The following SMAD9 variants were observed in gnomAD, a reference collection of about 807,000 sequenced individuals.
SMAD9 encodes the protein MAD homolog 9.
SMAD9 carries 36 observed loss-of-function variants against 46.1 expected under a neutral mutation model. The observed-to-expected ratio is 0.78, with a 90% CI of 0.60 to 1.03. The LOEUF is 1.03. SMAD9 is among the 50% of genes least tolerant of loss of function. SMAD9 has a pLI of 0.00. For synonymous variants in SMAD9, 245 were observed against 237.1 expected, an observed-to-expected ratio of 1.03 and a Z score of -0.31; for missense variants, 572 against 599.8, an observed-to-expected ratio of 0.95 and a Z score of 0.48.
At chr13:36,879,019 G>A (rs924466462) in intron 2 of SMAD9, among the ~76,000 whole-genome samples, 23 of 152,124 alleles carry the variant, frequency 1.5e-4, no homozygotes, top group Admixed American at 1.4e-3. Context: ...GTTTTACTGC[G>A]ATTCTCTTTG....
intron 1 of SMAD9, among the ~76,000 whole-genome samples, chr13:36,908,401 A>C (rs930908252): frequency 6.6e-6 from 1 of 152,234 alleles, no homozygotes; most frequent in African/African-American, 2.4e-5. Flanking sequence ...AGACAGAAAT[A>C]CAAATTTCTG....
chr13:36,919,884 G>A (rs2058729355), intron 1 of SMAD9, among the ~76,000 whole-genome samples: 2 of 125,940 alleles, frequency 1.6e-5, no homozygotes, highest in African/African-American at 5.9e-5. Context: ...AACAACGACC[G>A]CCAAAAGCCA....
At chr13:36,897,493 ACTCT>A (rs1052862494) in intron 1 of SMAD9, among the ~76,000 whole-genome samples, 3 of 152,002 alleles carry the variant, frequency 2.0e-5, no homozygotes, top group African/African-American at 7.2e-5. Context: ...TATACAAGAG[ACTCT>A]CCCACAGTAC....
chr13:36,901,337 G>C (rs2058574016), intron 1 of SMAD9, among the ~76,000 whole-genome samples: 1 of 151,548 alleles, frequency 6.6e-6, no homozygotes, highest in Non-Finnish European at 1.5e-5. Flanking sequence ...ACTGACACTT[G>C]TTATTTTTCA....
At chr13:36,899,002 AAAGT>A (rs2058552507) in intron 1 of SMAD9, among the ~76,000 whole-genome samples, 1 of 152,332 alleles carries the variant, frequency 6.6e-6, no homozygotes, top group East Asian at 1.9e-4. Context: ...CAGAAAGAAC[AAAGT>A]AAGGAAATCC....
At chr13:36,905,874 A>T (rs2058616778) in intron 1 of SMAD9, among the ~76,000 whole-genome samples, 1 of 149,416 alleles carries the variant, frequency 6.7e-6, no homozygotes, top group Admixed American at 6.7e-5. Flanking sequence ...AAATAAAGAT[A>T]GGGTCTCGCT....
intron 3 of SMAD9, 75 bp downstream of exon 3, chr13:36,872,583 T>C: frequency 1.3e-6 from 2 of 1,514,462 alleles, no homozygotes; most frequent in South Asian, 1.1e-5. Flanking sequence ...TGACTGTCAT[T>C]GTGACTGTTC....
intron 1 of SMAD9, among the ~76,000 whole-genome samples, chr13:36,899,136 C>G (rs552195571): frequency 2.4e-4 from 36 of 151,712 alleles, no homozygotes; most frequent in African/African-American, 8.0e-4. Context: ...CAGCAGAAAA[C>G]AAATGGAAAA....
chr13:36,883,445 C>T (rs1168406014), intron 1 of SMAD9, among the ~76,000 whole-genome samples: 1 of 152,144 alleles, frequency 6.6e-6, no homozygotes, highest in African/African-American at 2.4e-5. Flanking sequence ...ATTTAAATCA[C>T]AGTTAAAAAT....
At chr13:36,905,084 G>A (rs2058607434) in intron 1 of SMAD9, among the ~76,000 whole-genome samples, 1 of 152,180 alleles carries the variant, frequency 6.6e-6, no homozygotes, top group Non-Finnish European at 1.5e-5. Flanking sequence ...AATGCCTACA[G>A]AAATTTTTGG....
At chr13:36,877,957 C>CCAG (rs2058361723) in intron 2 of SMAD9, among the ~76,000 whole-genome samples, 1 of 152,116 alleles carries the variant, frequency 6.6e-6, no homozygotes, top group Admixed American at 6.5e-5. Flanking sequence ...AGCTAATGTG[C>CCAG]CAGCGCTTTG....
At chr13:36,854,460 C>T (rs1026060292) in intron 5 of SMAD9, among the ~76,000 whole-genome samples, 2 of 152,022 alleles carry the variant, frequency 1.3e-5, no homozygotes, top group East Asian at 1.9e-4. Flanking sequence ...CTCTGCCTCC[C>T]GGGCTCAGGT....
At chr13:36,850,227 T>C (rs1483760499) in intron 6 of SMAD9, among the ~76,000 whole-genome samples, 1 of 152,194 alleles carries the variant, frequency 6.6e-6, no homozygotes, top group East Asian at 1.9e-4. Context: ...ATGCACTGTC[T>C]TTTCTCGGCT....
intron 3 of SMAD9, among the ~76,000 whole-genome samples, chr13:36,870,052 G>A (rs1373495810): frequency 6.6e-6 from 1 of 152,122 alleles, no homozygotes; most frequent in African/African-American, 2.4e-5. Context: ...TACTCAGGTT[G>A]GCATTTTGCT....
At chr13:36,916,523 C>T (rs1173504539) in intron 1 of SMAD9, among the ~76,000 whole-genome samples, 1 of 151,422 alleles carries the variant, frequency 6.6e-6, no homozygotes. Flanking sequence ...AATGCTTTTA[C>T]AGACTTTATT....
At chr13:36,872,554 A>C in intron 3 of SMAD9, 104 bp downstream of exon 3, 1 of 1,313,720 alleles carries the variant, frequency 7.6e-7, no homozygotes, top group Non-Finnish European at 1.1e-6. Flanking sequence ...TGTTTATACT[A>C]TATGAATGAC....
intron 2 of SMAD9, among the ~76,000 whole-genome samples, chr13:36,877,704 G>A (rs2058358686): frequency 2.0e-5 from 3 of 152,056 alleles, no homozygotes; most frequent in Admixed American, 6.5e-5. Flanking sequence ...TAGGGGAAAC[G>A]CATCAGATTT....
intron 1 of SMAD9, among the ~76,000 whole-genome samples, chr13:36,909,537 G>C (rs2058643796): frequency 6.6e-6 from 1 of 152,146 alleles, no homozygotes. Context: ...TGGAAACACT[G>C]TATGCCACCC....
At chr13:36,854,392 G>A (rs2058103069) in intron 5 of SMAD9, among the ~76,000 whole-genome samples, 1 of 151,358 alleles carries the variant, frequency 6.6e-6, no homozygotes, top group Non-Finnish European at 1.5e-5. Flanking sequence ...TTTTGAGACG[G>A]AGTCTCGCTC....
Sources: gnomAD v4.1 joint callset for allele counts (sites outside exome capture counted in the v4.1 genomes callset) on GRCh38, gnomAD v4.1.1 for gene constraint, MANE v1.5 for transcripts, NCBI Gene and HGNC (gene_info 2026-07-23, HGNC 2026-07-21) for gene names.